Variants in USP32 observed in about 807,000 individuals in gnomAD.
USP32 encodes ubiquitin carboxyl-terminal hydrolase 32.
USP32 carries 59 observed loss-of-function variants against 204.8 expected under a neutral mutation model. The ratio of observed to expected loss-of-function variants is 0.29; its 90% confidence interval spans 0.23 to 0.36. The LOEUF is 0.36. Ranked by LOEUF, USP32 falls within the 10% of genes least tolerant of loss-of-function variation. The probability of loss-of-function intolerance (pLI) is 1.00; values close to 1 mark genes in which losing one functional copy is unlikely to be tolerated. For missense variants in USP32, 1,160 were observed against 1,946.4 expected, an observed-to-expected ratio of 0.60 and a Z score of 7.60; for synonymous variants, 517 against 678.4, an observed-to-expected ratio of 0.76 and a Z score of 3.70.
At chr17:60,337,227 A>C (rs117492812) in intron 2 of USP32, among the ~76,000 whole-genome samples, 1 of 152,348 alleles carries the variant, frequency 6.6e-6, no homozygotes, top group Non-Finnish European at 1.5e-5. Context: ...CTTCAGCATA[A>C]ATTCACCAGC....
intron 11 of USP32, 85 bp downstream of exon 11, chr17:60,252,296 T>A: frequency 9.2e-7 from 1 of 1,081,122 alleles, no homozygotes; most frequent in Non-Finnish European, 1.4e-6. Context: ...AATGATTACA[T>A]TAAAATAGGA....
intron 3 of USP32, among the ~76,000 whole-genome samples, chr17:60,298,130 A>C (rs2087483889): frequency 6.7e-6 from 1 of 148,728 alleles, no homozygotes; most frequent in Non-Finnish European, 1.5e-5. Context: ...TAATGCATTT[A>C]AATATTAAGT....
At chr17:60,251,153 G>A (rs2086156288) in intron 11 of USP32, among the ~76,000 whole-genome samples, 1 of 151,778 alleles carries the variant, frequency 6.6e-6, no homozygotes, top group Admixed American at 6.6e-5. Context: ...ATGTTGCCCA[G>A]GCTGGTCTCG....
intron 2 of USP32, among the ~76,000 whole-genome samples, chr17:60,318,331 T>A (rs1484731822): frequency 6.6e-6 from 1 of 152,224 alleles, no homozygotes; most frequent in Non-Finnish European, 1.5e-5. Flanking sequence ...TAATACAATT[T>A]TATGCTGAAT....
chr17:60,252,997 TA>T (rs1449863047), intron 10 of USP32, among the ~76,000 whole-genome samples: 3 of 152,256 alleles, frequency 2.0e-5, no homozygotes, highest in African/African-American at 7.2e-5. Context: ...TAAAATGTAA[TA>T]AAATTTAGGT....
chr17:60,391,394 A>C (rs1598312194), intron 1 of USP32, among the ~76,000 whole-genome samples: 1 of 151,996 alleles, frequency 6.6e-6, no homozygotes, highest in Non-Finnish European at 1.5e-5. Context: ...AAAGGCAGGG[A>C]CTCCCCAGAT....
At chr17:60,422,260 A>G (rs1336744933) in exon 1 of USP32, 4 of 371,578 alleles carry the variant, frequency 1.1e-5, no homozygotes, top group Non-Finnish European at 1.5e-5. Context: ...TGGTGTCAGG[A>G]TCAGCATCTG....
At chr17:60,252,519 A>C (rs1315782633) in intron 10 of USP32, 77 bp from the exon 11 acceptor site, 51 of 1,097,938 alleles carry the variant, frequency 4.6e-5, no homozygotes, top group Non-Finnish European at 6.6e-5. Context: ...CCATTTCCTA[A>C]ATTGGAATCT....
chr17:60,221,568 G>A, intron 15 of USP32, among the ~76,000 whole-genome samples: 1 of 150,268 alleles, frequency 6.7e-6, no homozygotes. Context: ...GCAATGGTGT[G>A]CAGTCTTGGC....
intron 10 of USP32, among the ~76,000 whole-genome samples, chr17:60,254,514 A>G (rs1036703609): frequency 6.6e-6 from 1 of 152,148 alleles, no homozygotes; most frequent in Admixed American, 6.6e-5. Flanking sequence ...CAGCCTGGGC[A>G]ACATAGCAAG....
chr17:60,393,117 A>G (rs1265557035), upstream of USP32, among the ~76,000 whole-genome samples: 4 of 151,990 alleles, frequency 2.6e-5, no homozygotes, highest in African/African-American at 9.7e-5. Flanking sequence ...TTAAACGGTA[A>G]CTCCCCAATC....
At chr17:60,381,709 T>C (rs2089650565) in intron 1 of USP32, among the ~76,000 whole-genome samples, 1 of 152,244 alleles carries the variant, frequency 6.6e-6, no homozygotes, top group Non-Finnish European at 1.5e-5. Context: ...TGAAATGTTC[T>C]GCATTTCCAC....
At chr17:60,310,920 C>T (rs2087837472) in intron 2 of USP32, among the ~76,000 whole-genome samples, 1 of 152,022 alleles carries the variant, frequency 6.6e-6, no homozygotes, top group Non-Finnish European at 1.5e-5. Flanking sequence ...ATCACATGTT[C>T]TCACTCATAT....
intron 1 of USP32, among the ~76,000 whole-genome samples, chr17:60,372,630 A>AG (rs1171459271): frequency 6.6e-6 from 1 of 151,394 alleles, no homozygotes; most frequent in Non-Finnish European, 1.5e-5. Context: ...ACTTGAGGCC[A>AG]GGGGTTTGAG....
intron 29 of USP32, among the ~76,000 whole-genome samples, chr17:60,190,191 C>A (rs2084342425): frequency 6.6e-6 from 1 of 152,200 alleles, no homozygotes; most frequent in Non-Finnish European, 1.5e-5. Context: ...GTCTGTTCTC[C>A]TTTGATCTTC....
In USP32 at chr17:60,181,316, C is replaced by T; in HGVS notation, c.4548+8G>A. ...CACTCTCTGAAAACCATATAATAAA[C>T]CACTTACCGAAATTGCATATAGATT... On this transcript the variant is annotated splice_region_variant and intron_variant, in intron 32 of 33. Coordinates refer to ENST00000300896, the MANE Select transcript of USP32 (RefSeq NM_032582.4). 1 of 1,603,670 alleles carries T rather than the reference C, an allele frequency of 6.2e-7. No individual in the cohort carries two copies. The highest frequency in any genetic ancestry group is 8.5e-7 in the Non-Finnish European group (1 of 1,174,094).
intron 2 of USP32, among the ~76,000 whole-genome samples, chr17:60,305,462 G>A (rs62084571): frequency 0.13 from 19,420 of 152,176 alleles, 2,575 homozygotes; most frequent in African/African-American, 0.33. Context: ...CACCTCCCAC[G>A]AGGCCCCACC....
chr17:60,392,070 C>G lies in USP32; in HGVS notation c.-131G>C. On this transcript the variant is annotated 5_prime_UTR_variant, in exon 1 of 34. Transcript: ENST00000300896. ...CCGCCCCCACCTCCCCCCACACTAA[C>G]AAGTGCGGCTTCTGCCCCGGCGGCT... is the stretch of plus-strand genomic sequence containing the variant. 1 of 1,054,960 alleles carries G rather than the reference C, an allele frequency of 9.5e-7. No individual in the cohort carries two copies. Among genetic ancestry groups the G allele is most frequent in the South Asian group, 1.6e-5 (1 of 64,202 alleles). The allele number at this position is 1,054,960 out of a possible 1,614,324, so 65.3% of individuals were successfully genotyped here. A position where few individuals can be genotyped will look rare whatever the true frequency, so the allele number is the denominator to read the frequency against.
chr17:60,281,535 C>CAA (rs1434012835), intron 5 of USP32, among the ~76,000 whole-genome samples: 18 of 94,368 alleles, frequency 1.9e-4, no homozygotes, highest in African/African-American at 5.3e-4. Flanking sequence ...GACTCCGTCT[C>CAA]AAAAAAAAAA....
Sources: allele counts gnomAD v4.1 joint callset (sites outside exome capture counted in the v4.1 genomes callset), GRCh38; gene constraint gnomAD v4.1.1; transcripts MANE v1.5; gene names NCBI Gene and HGNC (gene_info 2026-07-23, HGNC 2026-07-21).